Variants in CWH43 observed in about 807,000 individuals in gnomAD.
The protein encoded by CWH43 is cell wall biogenesis 43 C-terminal homolog, also known as PGAP2-interacting protein.
In CWH43, 91 loss-of-function variants were observed where a neutral mutation model predicts 85.7. That is an observed-to-expected ratio of 1.06 (90% CI 0.90 to 1.26). CWH43 has a LOEUF of 1.26. Among genes scored for constraint, CWH43 ranks in the 50% most tolerant of loss-of-function variants. The pLI is 0.00. For synonymous variants in CWH43, 323 were observed against 293.6 expected (o/e 1.10, Z -1.02); for missense variants, 869 against 839.2 (o/e 1.04, Z -0.44).
chr4:49,019,804 T>A (rs922929769), intron 9 of CWH43, among the ~76,000 whole-genome samples: 1 of 152,064 alleles, frequency 6.6e-6, no homozygotes, highest in African/African-American at 2.4e-5. Context: ...GGTCTCAAAC[T>A]CCTGACCTCA....
chr4:49,016,267 GT>G (rs1183133369), intron 8 of CWH43, among the ~76,000 whole-genome samples: 4 of 152,028 alleles, frequency 2.6e-5, no homozygotes, highest in South Asian at 2.1e-4. Context: ...AAATTTAGGT[GT>G]TTTTTTTCCC....
chr4:49,020,139 T>C (rs980374919), intron 9 of CWH43, among the ~76,000 whole-genome samples: 1 of 152,074 alleles, frequency 6.6e-6, no homozygotes, highest in Admixed American at 6.6e-5. Flanking sequence ...CAATTTGTAG[T>C]CTTTTATTCC....
chr4:49,052,100 T>C (rs1300181216), intron 15 of CWH43, among the ~76,000 whole-genome samples: 3 of 152,208 alleles, frequency 2.0e-5, no homozygotes, highest in Non-Finnish European at 2.9e-5. Flanking sequence ...CATTCTCTTT[T>C]TCTTCTTTGT....
In CWH43 at chr4:48,992,010, A is replaced by C. The variant is rs1782674958; in HGVS notation, c.431A>C (p.Asn144Thr). Residue 144 changes from asparagine to threonine, a missense_variant, in exon 4 of 16, where the codon AAC becomes ACC. By Grantham distance (65) the Asn-to-Thr change is moderately conservative (BLOSUM62 0). Transcript: ENST00000226432. The surrounding 1 kb of genome is among the most constrained non-coding windows in gnomAD (Gnocchi z 4.3). ...CTACGCATATGGTATACTTCACTAA[A>C]CCCAATCTGGAGTTATCAGATGTCC... ...VVLRIWYTSL[N>T]PIWSYQMSNK... The C allele has an allele frequency of 6.2e-7, 1 of 1,613,776 alleles. No individual in the cohort carries two copies. The highest frequency in any genetic ancestry group is 1.7e-5 in the Admixed American group (1 of 59,972).
intron 14 of CWH43, among the ~76,000 whole-genome samples, chr4:49,047,548 A>C (rs984596554): frequency 6.6e-6 from 1 of 152,134 alleles, no homozygotes; most frequent in Non-Finnish European, 1.5e-5. Context: ...CAAGATTGGA[A>C]GGAGGGAGCC....
intron 15 of CWH43, among the ~76,000 whole-genome samples, chr4:49,055,283 C>T (rs1784915612): frequency 6.6e-6 from 1 of 152,016 alleles, no homozygotes; most frequent in African/African-American, 2.4e-5. Flanking sequence ...TTGTCTTTTA[C>T]CCTGTTAATA....
intron 5 of CWH43, among the ~76,000 whole-genome samples, chr4:48,997,918 T>C (rs1351098948): frequency 6.6e-6 from 1 of 152,222 alleles, no homozygotes; most frequent in Non-Finnish European, 1.5e-5. Flanking sequence ...CTGGGTTTCC[T>C]TCTAAAGTTT....
chr4:48,993,364 G>C (rs1452150280), intron 4 of CWH43, among the ~76,000 whole-genome samples: 1 of 152,056 alleles, frequency 6.6e-6, no homozygotes, highest in Non-Finnish European at 1.5e-5. Flanking sequence ...CCTCCCTTCT[G>C]TCACCACCGC....
intron 13 of CWH43, 118 bp downstream of exon 13, chr4:49,038,298 T>A: frequency 1.3e-6 from 1 of 761,052 alleles, no homozygotes; most frequent in Non-Finnish European, 2.1e-6. Context: ...TACTGCTGCC[T>A]AGAAAATCAC....
At chr4:49,004,199 T>C (rs529079848) in intron 7 of CWH43, among the ~76,000 whole-genome samples, 6 of 152,242 alleles carry the variant, frequency 3.9e-5, no homozygotes, top group Non-Finnish European at 8.8e-5. Flanking sequence ...TACCAGCGCA[T>C]TTCTGTAATA....
intron 1 of CWH43, among the ~76,000 whole-genome samples, chr4:48,987,666 C>T (rs1326366416): frequency 2.0e-5 from 3 of 152,198 alleles, no homozygotes; most frequent in Non-Finnish European, 4.4e-5. Context: ...ATACTTAGCA[C>T]AGACCCTAGT....
intron 2 of CWH43, among the ~76,000 whole-genome samples, chr4:48,990,897 C>T (rs1248902407): frequency 6.6e-6 from 1 of 152,114 alleles, no homozygotes; most frequent in African/African-American, 2.4e-5. Flanking sequence ...TCAACTGATA[C>T]ATGGATAAAC....
intron 12 of CWH43, among the ~76,000 whole-genome samples, chr4:49,037,518 C>T (rs1784295920): frequency 6.6e-6 from 1 of 150,508 alleles, no homozygotes; most frequent in Non-Finnish European, 1.5e-5. Context: ...TCCAGTGAGC[C>T]GAGATTGTGC....
chr4:49,009,263 T>C (rs1783270894), intron 8 of CWH43, among the ~76,000 whole-genome samples: 1 of 152,210 alleles, frequency 6.6e-6, no homozygotes, highest in Admixed American at 6.5e-5. Context: ...CACTCATGAT[T>C]TGGCTCTCTG....
intron 15 of CWH43, 33 bp downstream of exon 15, chr4:49,050,882 A>T: frequency 1.3e-6 from 2 of 1,533,334 alleles, no homozygotes; most frequent in Non-Finnish European, 1.8e-6. Context: ...TCCAGTTATG[A>T]GCTACTGCAT....
At chr4:49,029,978 C>T (rs1347951087) in intron 10 of CWH43, among the ~76,000 whole-genome samples, 3 of 152,162 alleles carry the variant, frequency 2.0e-5, no homozygotes, top group South Asian at 2.1e-4. Context: ...TGCTGAGCAC[C>T]GGTCCCCTGG....
intron 15 of CWH43, among the ~76,000 whole-genome samples, chr4:49,055,292 T>C (rs1350178992): frequency 6.6e-6 from 1 of 152,230 alleles, no homozygotes; most frequent in Non-Finnish European, 1.5e-5. Context: ...ACCCTGTTAA[T>C]ACATTGTATC....
At chr4:49,000,998 T>C (rs1782972300) in intron 6 of CWH43, among the ~76,000 whole-genome samples, 1 of 152,198 alleles carries the variant, frequency 6.6e-6, no homozygotes, top group South Asian at 2.1e-4. Flanking sequence ...CACTTTTCAC[T>C]GTGATTCATC....
chr4:49,044,200 C>T (rs1784551596), intron 13 of CWH43, among the ~76,000 whole-genome samples: 2 of 152,072 alleles, frequency 1.3e-5, no homozygotes, highest in Non-Finnish European at 1.5e-5. Context: ...TGAATAATAA[C>T]CCTGGTCCCA....
Sources: allele counts gnomAD v4.1 joint callset (sites outside exome capture counted in the v4.1 genomes callset), GRCh38; gene constraint gnomAD v4.1.1; non-coding constraint Gnocchi (gnomAD v3.1); transcripts MANE v1.5; gene names NCBI Gene and HGNC (gene_info 2026-07-23, HGNC 2026-07-21).